RYR3: variants seen among roughly 807,000 people sequenced by gnomAD.
The protein encoded by RYR3 is brain ryanodine receptor-calcium release channel.
A neutral mutation model predicts 584.3 loss-of-function variants in RYR3; 207 were observed. The ratio of observed to expected loss-of-function variants is 0.35; its 90% CI spans 0.32 to 0.40. The LOEUF is 0.40. Among genes scored for constraint, RYR3 ranks in the 10% least tolerant of loss-of-function variants. RYR3 has a pLI of 1.00. For missense variants in RYR3, 5,616 were observed against 6,089.2 expected (o/e 0.92, Z 2.59); for synonymous variants, 2,416 against 2,248.5 (o/e 1.07, Z -2.11).
At chr15:33,429,366 G>GT (rs1254633256) in intron 1 of RYR3, among the ~76,000 whole-genome samples, 1 of 152,228 alleles carries the variant, frequency 6.6e-6, no homozygotes, top group Non-Finnish European at 1.5e-5. Context: ...AGAGATGTAT[G>GT]TTTTTTCTTC....
chr15:33,471,035 T>G (rs1387956379), intron 1 of RYR3, among the ~76,000 whole-genome samples: 1 of 152,210 alleles, frequency 6.6e-6, no homozygotes, highest in African/African-American at 2.4e-5. Context: ...TCAGATGGGT[T>G]GAATTAACTC....
chr15:33,808,743 C>CTG (rs996914784), intron 70 of RYR3, among the ~76,000 whole-genome samples: 1 of 152,196 alleles, frequency 6.6e-6, no homozygotes, highest in Non-Finnish European at 1.5e-5. Context: ...CACGCTCAGT[C>CTG]TGTGTGTGAA....
At chr15:33,738,631 T>G (rs555860748) in intron 50 of RYR3, 41 bp downstream of exon 50, 60 of 1,608,582 alleles carry the variant, frequency 3.7e-5, no homozygotes, top group Non-Finnish European at 4.8e-5. Flanking sequence ...AGCATCTCAG[T>G]GCTCCAGCAT....
intron 1 of RYR3, among the ~76,000 whole-genome samples, chr15:33,416,631 C>G (rs548375570): frequency 1.3e-5 from 2 of 152,074 alleles, no homozygotes; most frequent in African/African-American, 2.4e-5. Context: ...TTCTCCTATT[C>G]TGTAGGTTCG....
chr15:33,355,749 T>A (rs1364759442), intron 1 of RYR3, among the ~76,000 whole-genome samples: 1 of 152,204 alleles, frequency 6.6e-6, no homozygotes, highest in African/African-American at 2.4e-5. Flanking sequence ...CTGCTTCTCA[T>A]CCCTGATCCC....
At chr15:33,772,340 A>G (rs1596520567) in intron 63 of RYR3, among the ~76,000 whole-genome samples, 182 bp downstream of exon 63, 1 of 152,332 alleles carries the variant, frequency 6.6e-6, no homozygotes, top group Non-Finnish European at 1.5e-5. Context: ...CTTGGAATGG[A>G]AAGAAATTCC....
intron 17 of RYR3, 57 bp from the exon 18 acceptor site, chr15:33,603,066 C>T (rs1418902265): frequency 1.9e-6 from 3 of 1,594,600 alleles, no homozygotes; most frequent in African/African-American, 1.3e-5. Flanking sequence ...TCTGGTTCAA[C>T]TTGCTTTCTC....
chr15:33,575,655 A>G (rs1031204204), intron 12 of RYR3, among the ~76,000 whole-genome samples: 3 of 152,096 alleles, frequency 2.0e-5, no homozygotes, highest in African/African-American at 7.2e-5. Context: ...GCCCACCTCA[A>G]AAAGCTAGAA....
chr15:33,478,108 T>TG (rs34566920), intron 2 of RYR3, among the ~76,000 whole-genome samples: 210 of 147,718 alleles, frequency 1.4e-3, no homozygotes, highest in Non-Finnish European at 2.4e-3. Context: ...TTGAGGGGGT[T>TG]GGGGGGGGTG....
At chr15:33,340,997 A>C (rs1314990574) in intron 1 of RYR3, among the ~76,000 whole-genome samples, 1 of 152,090 alleles carries the variant, frequency 6.6e-6, no homozygotes, top group Non-Finnish European at 1.5e-5. Context: ...GTTGAACCAC[A>C]CACTGCTAAG....
At chr15:33,805,766 C>G (rs986223212) in intron 69 of RYR3, among the ~76,000 whole-genome samples, 1 of 152,162 alleles carries the variant, frequency 6.6e-6, no homozygotes, top group Non-Finnish European at 1.5e-5. Context: ...CTTGAGCCAC[C>G]ACACCCGGCC....
chr15:33,492,333 T>C (rs1265198632), intron 2 of RYR3, among the ~76,000 whole-genome samples: 1 of 152,186 alleles, frequency 6.6e-6, no homozygotes, highest in Non-Finnish European at 1.5e-5. Context: ...AAAATATTTA[T>C]AACATTTATT....
intron 1 of RYR3, among the ~76,000 whole-genome samples, chr15:33,395,192 C>G (rs1393817266): frequency 1.3e-5 from 2 of 152,224 alleles, no homozygotes; most frequent in African/African-American, 4.8e-5. Context: ...AAAACTAGTG[C>G]CCGTGCTTAT....
In RYR3 at chr15:33,838,394, G is replaced by A. The variant is rs764445519; in HGVS notation, c.12414G>A (p.Pro4138=). The change falls in exon 89 of 104, where the codon CCG becomes CCA. Residue 4138 remains proline, a synonymous_variant. Coordinates refer to ENST00000634891, the MANE Select transcript of RYR3 (RefSeq NM_001036.6). ...AGGAAGAAGACGGGTCTCTTGAGCC[G>A]GCCTCTGCATTTGCTATGGCCTGTG... ...GEEEEDGSLE[P]ASAFAMACAS... 1.2e-5 allele frequency: 20 copies of A among 1,613,974 alleles called. No homozygotes were observed. The Middle Eastern group carries it at 8.2e-4, about 67-fold the overall frequency.
chr15:33,821,399 T>C (rs1324750067), intron 79 of RYR3, 30 bp downstream of exon 79: 5 of 1,586,940 alleles, frequency 3.2e-6, no homozygotes, highest in East Asian at 2.3e-5. Flanking sequence ...GATGGGCTTA[T>C]GTAACTTCCA....
At chr15:33,817,084 T>A in intron 75 of RYR3, 126 bp downstream of exon 75, 2 of 589,680 alleles carry the variant, frequency 3.4e-6, no homozygotes, top group Non-Finnish European at 6.1e-6. Flanking sequence ...AAGCACTAAC[T>A]GTGTAAGTGC....
intron 1 of RYR3, among the ~76,000 whole-genome samples, chr15:33,371,187 G>A (rs1261179226): frequency 2.0e-5 from 3 of 152,192 alleles, no homozygotes; most frequent in African/African-American, 7.2e-5. Context: ...GAACAGGTAA[G>A]GAGGTAAAGT....
chr15:33,748,483 C>T lies in RYR3; in HGVS notation c.8152C>T (p.Pro2718Ser), dbSNP rs758848978. Residue 2718 changes from proline (P) to serine (S), a missense_variant, in exon 55 of 104, where the codon CCT (proline) becomes TCT (serine). Coordinates refer to ENST00000634891, the MANE Select transcript of RYR3 (RefSeq NM_001036.6). ...SQANQGNSYS[P>S]APLDLSNVVL... ...GCTTTCCTAGGGCAACAGCTACAGT[C>T]CTGCTCCCCTCGACCTCTCAAACGT... is the stretch of plus-strand genomic sequence containing the variant. 3.7e-6 allele frequency: 6 copies of T among 1,613,408 alleles called. No homozygotes were observed. In the South Asian group the frequency reaches 4.4e-5, roughly 12 times the overall value.
chr15:33,767,876 A>G (rs1368496758), intron 60 of RYR3, among the ~76,000 whole-genome samples: 2 of 152,358 alleles, frequency 1.3e-5, no homozygotes, highest in Admixed American at 6.5e-5. Flanking sequence ...GGTGAGGTCC[A>G]TTAGCAGCAT....
Sources: allele counts gnomAD v4.1 joint callset (sites outside exome capture counted in the v4.1 genomes callset), GRCh38; gene constraint gnomAD v4.1.1; transcripts MANE v1.5; gene names NCBI Gene and HGNC (gene_info 2026-07-23, HGNC 2026-07-21).